The following BANK1 variants were observed in gnomAD, a reference collection of about 807,000 sequenced individuals.
BANK1 encodes B cell scaffold protein with ankyrin repeats 1.
BANK1 carries 95 observed loss-of-function variants against 94.5 expected under a neutral mutation model. The observed-to-expected ratio is 1.00, with a 90% CI of 0.85 to 1.19. The LOEUF (loss-of-function observed/expected upper bound fraction) is 1.19. BANK1 is among the 50% of genes most tolerant of loss of function. The pLI is 0.00. For synonymous variants in BANK1, 334 were observed against 308.4 expected (o/e 1.08, Z -0.87); for missense variants, 987 against 932.2 (o/e 1.06, Z -0.77).
intron 11 of BANK1, among the ~76,000 whole-genome samples, chr4:102,052,178 C>T (rs1316644812): frequency 7.2e-6 from 1 of 137,958 alleles, no homozygotes. Context: ...AATAGAGTGA[C>T]ACGATCTTGG....
intron 7 of BANK1, among the ~76,000 whole-genome samples, chr4:101,986,160 T>G (rs947430673): frequency 6.6e-6 from 1 of 152,076 alleles, no homozygotes; most frequent in Admixed American, 6.6e-5. Context: ...CTAATGTATG[T>G]GAGAAAGGCA....
intron 7 of BANK1, among the ~76,000 whole-genome samples, chr4:101,964,105 A>T (rs1223034620): frequency 6.6e-6 from 1 of 152,016 alleles, no homozygotes; most frequent in Non-Finnish European, 1.5e-5. Context: ...GCTTCTTCAT[A>T]TGTTGTTGAA....
In BANK1 at chr4:102,019,065, T is replaced by G. The variant is rs374932818; in HGVS notation, c.1207-2449T>G. Among the ~76,000 whole-genome samples the G allele has an allele frequency of 2.6e-5, 4 of 152,070 alleles. No homozygotes were observed. The South Asian group carries it at 8.3e-4, about 31-fold the overall frequency. On this transcript the variant is annotated intron_variant, in intron 7 of 16. Coordinates refer to ENST00000322953, the MANE Select transcript of BANK1 (RefSeq NM_017935.5). ...ACTCCTGACCTCAGGTAATCCACCA[T>G]GCCTGGCCTGCTCTGATCATCTGTT... is the stretch of plus-strand genomic sequence containing the variant.
chr4:102,070,611 C>T (rs903853464), intron 13 of BANK1, among the ~76,000 whole-genome samples: 5 of 152,334 alleles, frequency 3.3e-5, no homozygotes, highest in East Asian at 1.9e-4. Flanking sequence ...TCCCTCTCCC[C>T]GGCACAGGCT....
intron 4 of BANK1, among the ~76,000 whole-genome samples, chr4:101,869,358 C>G (rs966320569): frequency 6.6e-6 from 1 of 151,834 alleles, no homozygotes; most frequent in East Asian, 1.9e-4. Context: ...TGCTTTAAAA[C>G]TTTCATTTTT....
intron 5 of BANK1, among the ~76,000 whole-genome samples, chr4:101,872,962 T>G: frequency 6.7e-6 from 1 of 149,312 alleles, no homozygotes; most frequent in Non-Finnish European, 1.5e-5. Flanking sequence ...CACTCCAGCC[T>G]GGGTGACAGA....
intron 3 of BANK1, among the ~76,000 whole-genome samples, chr4:101,857,914 A>G (rs1432427189): frequency 6.6e-6 from 1 of 152,076 alleles, no homozygotes; most frequent in African/African-American, 2.4e-5. Flanking sequence ...ATGGGCCAAG[A>G]CATTTGTTTT....
At chr4:102,016,536 C>A (rs1356562423) in intron 7 of BANK1, among the ~76,000 whole-genome samples, 1 of 152,124 alleles carries the variant, frequency 6.6e-6, no homozygotes, top group Non-Finnish European at 1.5e-5. Context: ...GGATTCATCA[C>A]CCTCGTTTAA....
intron 7 of BANK1, among the ~76,000 whole-genome samples, chr4:101,977,470 C>T (rs192000034): frequency 2.0e-5 from 3 of 152,254 alleles, no homozygotes; most frequent in Admixed American, 2.0e-4. Context: ...TTAAATGTGA[C>T]TATTTGTATC....
intron 2 of BANK1, among the ~76,000 whole-genome samples, chr4:101,850,321 G>T (rs1291977441): frequency 1.3e-5 from 2 of 152,106 alleles, no homozygotes; most frequent in African/African-American, 4.8e-5. Context: ...ACCCAGGCTG[G>T]AGTACAGTGG....
At chr4:101,979,782 A>G (rs1725265721) in intron 7 of BANK1, among the ~76,000 whole-genome samples, 1 of 151,878 alleles carries the variant, frequency 6.6e-6, no homozygotes, top group South Asian at 2.1e-4. Flanking sequence ...TGGTGAACCA[A>G]TTCACACTTT....
chr4:101,939,244 T>C (rs983885889), intron 7 of BANK1, among the ~76,000 whole-genome samples: 1 of 151,748 alleles, frequency 6.6e-6, no homozygotes, highest in Non-Finnish European at 1.5e-5. Flanking sequence ...GCAATCTTTA[T>C]AGTAATCTCA....
chr4:101,999,200 C>T (rs564201063), intron 7 of BANK1, among the ~76,000 whole-genome samples: 12 of 152,172 alleles, frequency 7.9e-5, no homozygotes, highest in Admixed American at 5.2e-4. Context: ...CAGTTGAATA[C>T]TCTCAATATT....
chr4:101,997,072 T>A (rs1725903600), intron 7 of BANK1, among the ~76,000 whole-genome samples: 1 of 152,226 alleles, frequency 6.6e-6, no homozygotes, highest in Admixed American at 6.5e-5. Context: ...GTGTTTGTCA[T>A]AAATAGCTCT....
chr4:102,045,926 G>T (rs534044928), intron 11 of BANK1, among the ~76,000 whole-genome samples: 3 of 151,140 alleles, frequency 2.0e-5, no homozygotes, highest in Admixed American at 1.3e-4. Context: ...TTTCTTCACA[G>T]AATTGGAAAA....
intron 7 of BANK1, among the ~76,000 whole-genome samples, chr4:101,984,533 C>A (rs1422934047): frequency 6.6e-6 from 1 of 152,028 alleles, no homozygotes; most frequent in Non-Finnish European, 1.5e-5. Context: ...AATAAAAGTG[C>A]TAAGTAGTTT....
chr4:101,982,997 T>A (rs542659649), intron 7 of BANK1, among the ~76,000 whole-genome samples: 1 of 152,094 alleles, frequency 6.6e-6, no homozygotes, highest in East Asian at 1.9e-4. Flanking sequence ...CTGATAACAA[T>A]TTTTAAAGAT....
At chr4:101,817,044 T>C (rs1725944030) in intron 1 of BANK1, among the ~76,000 whole-genome samples, 1 of 152,164 alleles carries the variant, frequency 6.6e-6, no homozygotes, top group Admixed American at 6.5e-5. Flanking sequence ...CATTGCAGCC[T>C]GACTGTGTAG....
At chr4:101,817,667 G>T (rs191772830) in intron 1 of BANK1, among the ~76,000 whole-genome samples, 1 of 151,262 alleles carries the variant, frequency 6.6e-6, no homozygotes, top group African/African-American at 2.4e-5. Context: ...TGCACATCTC[G>T]CACACGTGCC....
Sources: gnomAD v4.1 joint callset for allele counts (sites outside exome capture counted in the v4.1 genomes callset) on GRCh38, gnomAD v4.1.1 for gene constraint, MANE v1.5 for transcripts, NCBI Gene and HGNC (gene_info 2026-07-23, HGNC 2026-07-21) for gene names.